MYO18B: variants seen among roughly 807,000 people sequenced by gnomAD.
The protein encoded by MYO18B is myosin XVIIIB, also known as unconventional myosin-XVIIIb.
MYO18B carries 204 observed loss-of-function variants against 273.0 expected under a neutral mutation model. The ratio of observed to expected loss-of-function variants is 0.75; its 90% confidence interval spans 0.67 to 0.84. The LOEUF (loss-of-function observed/expected upper bound fraction) is 0.84, where lower values mean the gene tolerates loss of function less well. Ranked by LOEUF, MYO18B falls within the 40% of genes least tolerant of loss-of-function variation. MYO18B has a pLI of 0.00. For synonymous variants in MYO18B, 1,330 were observed against 1,305.7 expected, an observed-to-expected ratio of 1.02 and a Z score of -0.40; for missense variants, 3,212 against 3,287.6, an observed-to-expected ratio of 0.98 and a Z score of 0.56.
chr22:25,954,840 T>C (rs992566006), intron 38 of MYO18B, among the ~76,000 whole-genome samples: 2 of 152,134 alleles, frequency 1.3e-5, no homozygotes, highest in Admixed American at 1.3e-4. Context: ...GCCTCCCAAG[T>C]AGCAGGGATT....
In MYO18B at chr22:25,769,018, G is replaced by T; in HGVS notation, c.1102G>T (p.Asp368Tyr). The T allele has an allele frequency of 2.5e-6, 4 of 1,611,258 alleles. No homozygotes were observed. The highest frequency in any genetic ancestry group is 3.4e-6 in the Non-Finnish European group (4 of 1,178,636). ...TSQVQGELGDDLRMGEKAGEL... is the reference protein window; with the variant it reads ...TSQVQGELGDYLRMGEKAGEL... ...CCAAGTGCAGGGCGAGTTGGGGGAC[G>T]ATCTGAGAATGGGGGAGAAAGCAGG... The change falls in exon 4 of 44, where the codon GAT (aspartate) becomes TAT (tyrosine). Residue 368 changes from aspartate (D) to tyrosine (Y), a missense_variant. Asp to Tyr is a radical substitution (Grantham distance 160). Transcript: ENST00000335473.
At chr22:25,864,076 C>T (rs985038398) in intron 21 of MYO18B, among the ~76,000 whole-genome samples, 2 of 152,120 alleles carry the variant, frequency 1.3e-5, no homozygotes, top group Admixed American at 1.3e-4. Flanking sequence ...TTTTTCCATG[C>T]TTTGCTCCAT....
At chr22:26,054,265 T>C in the MYO18B span, among the ~76,000 whole-genome samples, 3 of 152,168 alleles carry the variant, frequency 2.0e-5, no homozygotes, top group Non-Finnish European at 4.4e-5. Context: ...TATTCCATAA[T>C]CCTTGCCCTG....
chr22:25,748,728 C>T (rs2085853015), intron 1 of MYO18B, among the ~76,000 whole-genome samples: 1 of 152,224 alleles, frequency 6.6e-6, no homozygotes, highest in South Asian at 2.1e-4. Context: ...CTCCATCAAC[C>T]TTCCTGCCCT....
chr22:25,980,479 A>G (rs1482292078), intron 39 of MYO18B, among the ~76,000 whole-genome samples: 3 of 152,176 alleles, frequency 2.0e-5, no homozygotes, highest in Non-Finnish European at 4.4e-5. Flanking sequence ...AGTTCCATAG[A>G]GTCCCCTGCT....
At chr22:25,969,117 C>T (rs543907490) in intron 39 of MYO18B, among the ~76,000 whole-genome samples, 1 of 152,282 alleles carries the variant, frequency 6.6e-6, no homozygotes, top group East Asian at 1.9e-4. Flanking sequence ...TTCCCATAGA[C>T]CTCCCCTTCT....
chr22:26,045,639 G>C, the MYO18B span, among the ~76,000 whole-genome samples: 1 of 152,200 alleles, frequency 6.6e-6, no homozygotes, highest in East Asian at 1.9e-4. Flanking sequence ...CCCCAACTGT[G>C]GGGCCTTGGC....
chr22:25,812,903 G>C, intron 12 of MYO18B, among the ~76,000 whole-genome samples: 1 of 152,154 alleles, frequency 6.6e-6, no homozygotes, highest in Non-Finnish European at 1.5e-5. Context: ...ATGGTCACCT[G>C]ACTCCTGAGC....
chr22:25,945,362 C>T (rs1160839863), intron 34 of MYO18B, among the ~76,000 whole-genome samples: 1 of 152,008 alleles, frequency 6.6e-6, no homozygotes, highest in Admixed American at 6.5e-5. Context: ...ATTAGCTGTT[C>T]TTGCCTGTCT....
intron 42 of MYO18B, among the ~76,000 whole-genome samples, chr22:26,024,374 G>C (rs767783861): frequency 6.6e-6 from 1 of 152,138 alleles, no homozygotes; most frequent in South Asian, 2.1e-4. Context: ...AGTACTCCGG[G>C]TAGAACCACT....
At chr22:25,926,894 A>G (rs2092429337) in intron 34 of MYO18B, among the ~76,000 whole-genome samples, 1 of 152,216 alleles carries the variant, frequency 6.6e-6, no homozygotes, top group Non-Finnish European at 1.5e-5. Context: ...ATGGACATTT[A>G]TTAGTTCCCC....
chr22:25,876,716 T>G (rs942319942), intron 24 of MYO18B: 2 of 155,296 alleles, frequency 1.3e-5, no homozygotes, highest in African/African-American at 4.8e-5. Context: ...CACCTATCTT[T>G]TATAACTGTT....
intron 20 of MYO18B, among the ~76,000 whole-genome samples, chr22:25,848,358 A>G (rs1481835545): frequency 6.6e-6 from 1 of 152,270 alleles, no homozygotes; most frequent in Non-Finnish European, 1.5e-5. Flanking sequence ...ATGTAATACC[A>G]TAGTCAGGCC....
chr22:25,798,021 C>G lies in MYO18B; in HGVS notation c.2445C>G (p.Ile815Met). The change falls in exon 12 of 44, where the codon ATC becomes ATG. Residue 815 changes from isoleucine (I) to methionine (M), a missense_variant. Physicochemically the swap from Ile to Met is conservative, Grantham distance 10. Transcript: ENST00000335473. ...AGGGTGCCATGGAGATGCTCGGCAT[C>G]TCAGAGAGCGAGCAGCGGGCTGTTT... ...QLQGAMEMLG[I>M]SESEQRAVWR... 1 of 1,613,776 alleles carries G rather than the reference C, an allele frequency of 6.2e-7. No homozygotes were observed. Among genetic ancestry groups the G allele is most frequent in the East Asian group, 2.2e-5 (1 of 44,864 alleles).
intron 6 of MYO18B, 72 bp from the exon 7 acceptor site, chr22:25,772,262 G>T (rs113027771): frequency 2.8e-6 from 4 of 1,429,990 alleles, no homozygotes; most frequent in Admixed American, 1.9e-5. Context: ...GTTTGGTTGC[G>T]GGGGGGTGGG....
In MYO18B at chr22:25,946,217, C is replaced by T. The variant is rs569512574; in HGVS notation, c.5598C>T (p.Ser1866=). ...VLTADLESMH[S]ELENMTRNKS... ...CAGCGGACCTGGAGAGCATGCACAG[C>T]GAGCTGGAGAACATGACGCGGAACA... The change falls in exon 35 of 44, where the codon AGC becomes AGT. Residue 1866 remains serine, a synonymous_variant. Coordinates refer to ENST00000335473, the MANE Select transcript of MYO18B (RefSeq NM_032608.7). 162 of 1,581,512 alleles carry T rather than the reference C, an allele frequency of 1.0e-4. 1 individual carries two copies. The South Asian group carries it at 1.5e-3, about 14-fold the overall frequency.
At chr22:25,923,686 C>T (rs546194715) in intron 34 of MYO18B, among the ~76,000 whole-genome samples, 1 of 152,134 alleles carries the variant, frequency 6.6e-6, no homozygotes, top group South Asian at 2.1e-4. Flanking sequence ...TCTAGGTAGG[C>T]AGAGTTGCTG....
At position 26,027,069 on chromosome 22, in the gene MYO18B, G is replaced by A. The variant is rs751505797; in HGVS notation, c.7095G>A (p.Leu2365=). 43 of 1,613,860 alleles carry A rather than the reference G, an allele frequency of 2.7e-5. No individual in the cohort carries two copies. The highest frequency in any genetic ancestry group is 3.6e-5 in the Non-Finnish European group (42 of 1,179,906). ...CCAGACCGAGCATGGGGAGAAAACT[G>A]AGCTCTCCGACCACACCCAGGGACA... ...LESRPSMGRK[L]SSPTTPRDML... Residue 2365 remains leucine, a synonymous_variant, in exon 43 of 44, where the codon CTG becomes CTA. Coordinates refer to ENST00000335473, the MANE Select transcript of MYO18B (RefSeq NM_032608.7). This position sits in a 1 kb window ranked among gnomAD's most constrained non-coding sequence, Gnocchi z 4.1.
At chr22:25,812,568 G>T (rs2088812459) in intron 12 of MYO18B, among the ~76,000 whole-genome samples, 1 of 152,218 alleles carries the variant, frequency 6.6e-6, no homozygotes, top group East Asian at 1.9e-4. Flanking sequence ...GTGGAGTCAG[G>T]AGAAGCGGGA....
Sources: allele counts gnomAD v4.1 joint callset (sites outside exome capture counted in the v4.1 genomes callset), GRCh38; gene constraint gnomAD v4.1.1; non-coding constraint Gnocchi (gnomAD v3.1); transcripts MANE v1.5; gene names NCBI Gene and HGNC (gene_info 2026-07-23, HGNC 2026-07-21).